Variants in MED17 observed in about 807,000 individuals in gnomAD.
The protein encoded by MED17 is mediator of RNA polymerase II transcription subunit 17.
MED17 carries 49 observed loss-of-function variants against 80.8 expected under a neutral mutation model. That is an observed-to-expected ratio of 0.61 (90% CI 0.48 to 0.77). The LOEUF is 0.77. MED17 is among the 30% of genes least tolerant of loss of function. The pLI, the probability that MED17 is intolerant of heterozygous loss-of-function variation, is 0.00. For missense variants in MED17, 718 were observed against 787.0 expected, an observed-to-expected ratio of 0.91 and a Z score of 1.05; for synonymous variants, 281 against 280.4, an observed-to-expected ratio of 1.00 and a Z score of -0.02.
chr11:93,807,739 A>G lies in MED17; in HGVS notation c.1584+104A>G, dbSNP rs1944041620. ...AATGTAATAAATTGTGTAAGAAGAA[A>G]AAAAATTTTTTTCCAGTAGAAATTA... On this transcript the variant is annotated intron_variant, in intron 10 of 11. Transcript: ENST00000251871. 10 of 815,974 alleles carry G rather than the reference A, an allele frequency of 1.2e-5. No individual in the cohort carries two copies. In the Admixed American group the frequency reaches 1.6e-4, roughly 13 times the overall value. The allele number at this position is 815,974 out of a possible 1,614,324, so 50.5% of individuals were successfully genotyped here. A position where few individuals can be genotyped will look rare whatever the true frequency, so the allele number is the denominator to read the frequency against.
At chr11:93,803,362 G>A (rs1488509139) in intron 9 of MED17, among the ~76,000 whole-genome samples, 1 of 152,182 alleles carries the variant, frequency 6.6e-6, no homozygotes, top group African/African-American at 2.4e-5. Flanking sequence ...GTAGATAAGT[G>A]TGAGAGCAGA....
At chr11:93,786,157 A>G (rs1425121554) in intron 1 of MED17, among the ~76,000 whole-genome samples, 1 of 152,244 alleles carries the variant, frequency 6.6e-6, no homozygotes, top group Non-Finnish European at 1.5e-5. Context: ...AATTTAGTTG[A>G]TATCTTCTCT....
chr11:93,793,112 C>CCCTTTTTTTTTTTTTTTTTT (rs1333532314), intron 3 of MED17: 1 of 21,032 alleles, frequency 4.8e-5, no homozygotes, highest in African/African-American at 8.3e-5. Context: ...AGGAGTACAC[C>CCCTTTTTTTTTTTTTTTTTT]TCTTTTTTTT....
intron 11 of MED17, 161 bp downstream of exon 11, chr11:93,810,037 C>A: frequency 1.4e-6 from 1 of 715,706 alleles, no homozygotes; most frequent in Non-Finnish European, 2.4e-6. Context: ...TTATGCAGAG[C>A]AAGAGATTAT....
At chr11:93,811,139 T>A (rs1435717351) in intron 11 of MED17, 1 of 152,338 alleles carries the variant, frequency 6.6e-6, no homozygotes, top group Admixed American at 6.5e-5. Flanking sequence ...GGATCACAGC[T>A]TGTGAATCTG....
rs2135717907 is a variant in MED17, at chr11:93,801,991, A to G, written c.1466+19A>G. ...TATGCAAGTAAGTGGCCAAAATAAA[A>G]GTTTTGTATTTAATATGTTAATTTG... On this transcript the variant is annotated intron_variant, in intron 9 of 11. Coordinates refer to ENST00000251871, the MANE Select transcript of MED17 (RefSeq NM_004268.5). The G allele has an allele frequency of 5.6e-6, 9 of 1,605,670 alleles. No homozygotes were observed. The highest frequency in any genetic ancestry group is 7.7e-6 in the Non-Finnish European group (9 of 1,174,980).
In MED17 at chr11:93,793,723, A is replaced by G. The variant is rs1461439835; in HGVS notation, c.638-5A>G. ...TATATTTTCCTATTTTTAATACAAC[A>G]TTAGGATCTCTCTTTCCTCATCATG... is the stretch of plus-strand genomic sequence containing the variant. On this transcript the variant is annotated splice_region_variant and splice_polypyrimidine_tract_variant and intron_variant, in intron 3 of 11. Transcript: ENST00000251871. 1.3e-6 allele frequency: 2 copies of G among 1,551,786 alleles called. No homozygotes were observed. The highest frequency in any genetic ancestry group is 2.2e-5 in the East Asian group (1 of 44,514).
At chr11:93,796,077 G>A in intron 6 of MED17, 2 of 326,338 alleles carry the variant, frequency 6.1e-6, no homozygotes, top group East Asian at 8.2e-5. Flanking sequence ...AGCCTCCCAA[G>A]CAGCTGGGAC....
chr11:93,807,389 G>T, intron 9 of MED17, 129 bp from the exon 10 acceptor site: 1 of 682,914 alleles, frequency 1.5e-6, no homozygotes, highest in African/African-American at 1.8e-5. Flanking sequence ...CTCCAGCCTG[G>T]GCAACAGGCT....
At chr11:93,792,694 C>A (rs1417069597) in intron 3 of MED17, among the ~76,000 whole-genome samples, 4 of 152,158 alleles carry the variant, frequency 2.6e-5, no homozygotes, top group African/African-American at 9.7e-5. Flanking sequence ...GTAATCTCAG[C>A]ACTTTGGGAG....
intron 3 of MED17, 35 bp downstream of exon 3, chr11:93,790,828 C>G (rs1485265656): frequency 1.3e-6 from 2 of 1,575,628 alleles, no homozygotes; most frequent in Non-Finnish European, 1.7e-6. Context: ...ACTTTCTGGC[C>G]AGGTGTGGTG....
chr11:93,799,178 A>ATT (rs377623926), intron 8 of MED17, among the ~76,000 whole-genome samples: 3 of 116,772 alleles, frequency 2.6e-5, no homozygotes, highest in African/African-American at 9.0e-5. Flanking sequence ...TCTACAAGAA[A>ATT]TTTTTTTTTT....
chr11:93,810,135 C>T, intron 11 of MED17: 3 of 454,340 alleles, frequency 6.6e-6, no homozygotes, highest in South Asian at 2.1e-5. Flanking sequence ...AGCATTGTTA[C>T]TCCTGCAGTC....
chr11:93,800,945 T>G (rs1345918750), intron 8 of MED17: 2 of 152,152 alleles, frequency 1.3e-5, no homozygotes, highest in African/African-American at 4.8e-5. Flanking sequence ...TTTCTTTCTC[T>G]TTCCAGTAAA....
chr11:93,799,784 G>C (rs1943942494), intron 8 of MED17, among the ~76,000 whole-genome samples: 1 of 152,044 alleles, frequency 6.6e-6, no homozygotes, highest in South Asian at 2.1e-4. Context: ...TCTTAAAAAA[G>C]ACAAAAAGAC....
intron 6 of MED17, chr11:93,795,430 A>T (rs548598762): frequency 3.6e-6 from 1 of 275,064 alleles, no homozygotes; most frequent in Admixed American, 5.0e-5. Flanking sequence ...AAAAATGTTT[A>T]CTCTTAACGC....
At chr11:93,799,073 C>G (rs1340430531) in intron 8 of MED17, among the ~76,000 whole-genome samples, 2 of 152,152 alleles carry the variant, frequency 1.3e-5, no homozygotes, top group African/African-American at 4.8e-5. Flanking sequence ...TGGTGGCTCA[C>G]CCCTGTAGTC....
intron 3 of MED17, 22 bp from the exon 4 acceptor site, chr11:93,793,706 C>T (rs1311684822): frequency 1.3e-6 from 2 of 1,486,214 alleles, no homozygotes; most frequent in Non-Finnish European, 1.9e-6. Flanking sequence ...TTTATATTTT[C>T]CTATTTTTAA....
In MED17 at chr11:93,793,815, C is replaced by T. The variant is rs900555555; in HGVS notation, c.725C>T (p.Pro242Leu). 6.2e-7 allele frequency: 1 copy of T among 1,611,022 alleles called. No homozygotes were observed. Among genetic ancestry groups the T allele is most frequent in the African/African-American group, 1.3e-5 (1 of 74,928 alleles). Residue 242 changes from proline to leucine, a missense_variant, in exon 4 of 12, where the codon CCT becomes CTT. Coordinates refer to ENST00000251871, the MANE Select transcript of MED17 (RefSeq NM_004268.5). ...LDKKIPEDYC[P>L]LDVQIPSDLE... ...AAAAAGATACCTGAAGATTACTGTCCTCTTGATGTCCAAATTCCTAGTGAT... is the reference window on the plus strand; with the variant it reads ...AAAAAGATACCTGAAGATTACTGTCTTCTTGATGTCCAAATTCCTAGTGAT...
Sources: gnomAD v4.1 joint callset for allele counts (sites outside exome capture counted in the v4.1 genomes callset) on GRCh38, gnomAD v4.1.1 for gene constraint, MANE v1.5 for transcripts, NCBI Gene and HGNC (gene_info 2026-07-23, HGNC 2026-07-21) for gene names.